The following NCAM2 variants were observed in gnomAD, a reference collection of about 807,000 sequenced individuals.
NCAM2 encodes the protein neural cell adhesion molecule 2.
NCAM2 carries 30 observed loss-of-function variants against 98.1 expected under a neutral mutation model. The ratio of observed to expected loss-of-function variants is 0.31; its 90% confidence interval spans 0.23 to 0.41. The LOEUF is 0.41. NCAM2 is among the 10% of genes least tolerant of loss of function. NCAM2 has a pLI of 1.00. For missense variants in NCAM2, 867 were observed against 1,005.8 expected (o/e 0.86, Z 1.87); for synonymous variants, 368 against 342.4 (o/e 1.07, Z -0.83).
chr21:21,325,824 A>G (rs1317475772), intron 6 of NCAM2, among the ~76,000 whole-genome samples: 3 of 152,160 alleles, frequency 2.0e-5, no homozygotes, highest in Admixed American at 2.0e-4. Context: ...TGAGCAGGAA[A>G]TTGAACAACA....
intron 16 of NCAM2, among the ~76,000 whole-genome samples, chr21:21,531,417 T>A (rs1989686700): frequency 6.6e-6 from 1 of 152,202 alleles, no homozygotes; most frequent in African/African-American, 2.4e-5. Flanking sequence ...CATCAGCTAT[T>A]ACAAGTAACC....
chr21:21,390,138 G>A (rs1052248206), intron 9 of NCAM2, among the ~76,000 whole-genome samples: 9 of 152,022 alleles, frequency 5.9e-5, no homozygotes, highest in Admixed American at 2.0e-4. Flanking sequence ...GCGAGCCACC[G>A]CGCCACCTGG....
chr21:21,037,822 T>G (rs2064828108), intron 1 of NCAM2, among the ~76,000 whole-genome samples: 1 of 152,182 alleles, frequency 6.6e-6, no homozygotes, highest in South Asian at 2.1e-4. Context: ...GAAGTTGGAA[T>G]TTTAGATTTA....
intron 16 of NCAM2, among the ~76,000 whole-genome samples, chr21:21,530,802 A>G (rs1989650667): frequency 1.3e-5 from 2 of 151,938 alleles, no homozygotes; most frequent in South Asian, 2.1e-4. Flanking sequence ...TCTGTTTTGA[A>G]TATCCATATA....
chr21:21,064,209 C>T (rs183820853), intron 1 of NCAM2, among the ~76,000 whole-genome samples: 4 of 152,262 alleles, frequency 2.6e-5, no homozygotes, highest in African/African-American at 9.6e-5. Context: ...TCATGCCAGC[C>T]ACTGAGGGCG....
chr21:21,282,451 G>T (rs185570822), intron 2 of NCAM2, among the ~76,000 whole-genome samples: 78 of 151,720 alleles, frequency 5.1e-4, no homozygotes, highest in African/African-American at 1.8e-3. Context: ...GTATCACCTA[G>T]AGCTTTTCTA....
intron 1 of NCAM2, among the ~76,000 whole-genome samples, chr21:21,173,185 T>G (rs1376283598): frequency 3.3e-5 from 5 of 152,174 alleles, no homozygotes; most frequent in South Asian, 2.1e-4. Flanking sequence ...CAAGAAAATT[T>G]AACTACTGAT....
In NCAM2 at chr21:21,540,627, CATATAAATGTT is replaced by C. The variant is rs1990195825; in HGVS notation, c.*2673_*2683del. ...GATTAAACAAACATATACATATAAC[CATATAAATGTT>C]ATTTTTATTGTCTGAGAGTACTCTT... On this transcript the variant is annotated 3_prime_UTR_variant, in exon 18 of 18. Transcript: ENST00000400546. The C allele has an allele frequency of 6.6e-6, 1 of 151,758 alleles. No homozygotes were observed. The highest frequency in any genetic ancestry group is 1.5e-5 in the Non-Finnish European group (1 of 67,922). The allele number at this position is 151,758 out of a possible 1,614,324, so 9.4% of individuals were successfully genotyped here. A position where few individuals can be genotyped will look rare whatever the true frequency, so the allele number is the denominator to read the frequency against.
At chr21:21,246,081 G>A (rs1006968316) in intron 1 of NCAM2, among the ~76,000 whole-genome samples, 4 of 152,136 alleles carry the variant, frequency 2.6e-5, no homozygotes, top group African/African-American at 7.2e-5. Context: ...GAAGACTAGT[G>A]ATAAAAGGTA....
At chr21:21,279,786 C>T (rs1206429311) in intron 1 of NCAM2, among the ~76,000 whole-genome samples, 1 of 152,188 alleles carries the variant, frequency 6.6e-6, no homozygotes, top group Non-Finnish European at 1.5e-5. Context: ...TTCAGATCTT[C>T]CTTGATTGAC....
At chr21:21,028,474 T>C (rs1178892795) in intron 1 of NCAM2, among the ~76,000 whole-genome samples, 3 of 152,208 alleles carry the variant, frequency 2.0e-5, no homozygotes, top group Non-Finnish European at 2.9e-5. Flanking sequence ...AGACCTTCAA[T>C]CTAAATGAAC....
chr21:21,053,826 A>G (rs1025337875), intron 1 of NCAM2, among the ~76,000 whole-genome samples: 2 of 151,500 alleles, frequency 1.3e-5, no homozygotes, highest in Admixed American at 6.6e-5. Context: ...CTACTTACTT[A>G]TATGTATATA....
intron 1 of NCAM2, among the ~76,000 whole-genome samples, chr21:21,253,095 C>A (rs1448926657): frequency 6.6e-6 from 1 of 152,116 alleles, no homozygotes; most frequent in Non-Finnish European, 1.5e-5. Flanking sequence ...TGAACTGCTT[C>A]TTCTAAAGTC....
At chr21:21,008,324 C>G (rs775228322) in intron 1 of NCAM2, among the ~76,000 whole-genome samples, 8 of 152,086 alleles carry the variant, frequency 5.3e-5, no homozygotes, top group Non-Finnish European at 8.8e-5. Context: ...AATCTTTACA[C>G]CAGGTAAAAC....
At chr21:21,316,069 A>T (rs1297053457) in intron 5 of NCAM2, among the ~76,000 whole-genome samples, 1 of 152,188 alleles carries the variant, frequency 6.6e-6, no homozygotes, top group Non-Finnish European at 1.5e-5. Flanking sequence ...CTTCAGTGTG[A>T]CTTTGAACAT....
intron 1 of NCAM2, among the ~76,000 whole-genome samples, chr21:21,000,645 A>G (rs780770546): frequency 3.3e-5 from 5 of 152,202 alleles, no homozygotes; most frequent in Non-Finnish European, 7.4e-5. Flanking sequence ...GGAGACCATC[A>G]TTGTAAAGAT....
At chr21:21,375,830 G>A (rs934664075) in intron 9 of NCAM2, among the ~76,000 whole-genome samples, 4 of 151,144 alleles carry the variant, frequency 2.6e-5, no homozygotes, top group African/African-American at 9.7e-5. Context: ...GTGCTAGGCT[G>A]CTAGGCAACA....
At chr21:21,088,262 A>C (rs118139485) in intron 1 of NCAM2, among the ~76,000 whole-genome samples, 1,730 of 152,350 alleles carry the variant, frequency 0.011, 16 homozygotes, top group Admixed American at 0.024. Context: ...TTTGTTAATA[A>C]AAATTGAAAT....
chr21:21,082,620 G>A (rs2065830540), intron 1 of NCAM2, among the ~76,000 whole-genome samples: 1 of 152,124 alleles, frequency 6.6e-6, no homozygotes, highest in African/African-American at 2.4e-5. Context: ...TACCTAAAAT[G>A]TTTTATATTT....
Sources: gnomAD v4.1 joint callset for allele counts (sites outside exome capture counted in the v4.1 genomes callset) on GRCh38, gnomAD v4.1.1 for gene constraint, MANE v1.5 for transcripts, NCBI Gene and HGNC (gene_info 2026-07-23, HGNC 2026-07-21) for gene names.